KLHL29: variants seen among roughly 807,000 people sequenced by gnomAD.
KLHL29 encodes kelch like family member 29.
Under a neutral mutation model 80.4 loss-of-function variants are expected in KLHL29, and 21 were observed. That is an observed-to-expected ratio of 0.26 (90% CI 0.19 to 0.38). The LOEUF (loss-of-function observed/expected upper bound fraction) is 0.38, where lower values mean the gene tolerates loss of function less well. Ranked by LOEUF, KLHL29 falls within the 10% of genes least tolerant of loss-of-function variation. KLHL29 has a pLI of 1.00. For missense variants in KLHL29, 867 were observed against 1,223.9 expected (o/e 0.71, Z 4.35); for synonymous variants, 511 against 526.8 (o/e 0.97, Z 0.41).
chr2:23,691,518 C>T (rs983638729), intron 6 of KLHL29, 156 bp from the exon 7 acceptor site: 9 of 621,974 alleles, frequency 1.4e-5, no homozygotes, highest in South Asian at 5.8e-5. Context: ...TTTCAGATCC[C>T]GTGTCACAGC....
intron 2 of KLHL29, among the ~76,000 whole-genome samples, chr2:23,482,139 C>T (rs1042789905): frequency 2.4e-4 from 37 of 152,174 alleles, no homozygotes; most frequent in African/African-American, 8.4e-4. Flanking sequence ...GACTCTTTCC[C>T]CAGTCCTGAA....
At chr2:23,454,899 ACCC>A (rs1480751377) in intron 1 of KLHL29, among the ~76,000 whole-genome samples, 1 of 147,050 alleles carries the variant, frequency 6.8e-6, no homozygotes, top group Non-Finnish European at 1.5e-5. Context: ...CAGGTTGTCT[ACCC>A]CTTGGCACTT....
chr2:23,648,049 A>AGGGCCCC (rs1259747112), intron 5 of KLHL29, among the ~76,000 whole-genome samples: 1 of 152,040 alleles, frequency 6.6e-6, no homozygotes, highest in Non-Finnish European at 1.5e-5. Flanking sequence ...GTCAGTGCTC[A>AGGGCCCC]GGGCCCCAGG....
At chr2:23,462,121 T>C (rs1401364857) in intron 1 of KLHL29, among the ~76,000 whole-genome samples, 4 of 152,020 alleles carry the variant, frequency 2.6e-5, no homozygotes, top group African/African-American at 9.7e-5. Flanking sequence ...CAGGTGGGAC[T>C]CAAGGATGAC....
At chr2:23,529,595 G>C (rs1334313453) in intron 2 of KLHL29, among the ~76,000 whole-genome samples, 1 of 146,816 alleles carries the variant, frequency 6.8e-6, no homozygotes, top group Admixed American at 6.8e-5. Flanking sequence ...CCCCACCAAA[G>C]CACAGGCTTG....
At chr2:23,558,525 C>T (rs927439229) in intron 2 of KLHL29, among the ~76,000 whole-genome samples, 1 of 151,866 alleles carries the variant, frequency 6.6e-6, no homozygotes, top group Admixed American at 6.6e-5. Flanking sequence ...CCTCAGCTTC[C>T]TGAGTAGCTG....
At chr2:23,399,127 T>C (rs1210909459) in intron 1 of KLHL29, among the ~76,000 whole-genome samples, 3 of 152,202 alleles carry the variant, frequency 2.0e-5, no homozygotes, top group Non-Finnish European at 4.4e-5. Context: ...AAATTAGACT[T>C]GTGTTTTATC....
At chr2:23,520,997 C>T (rs1026182600) in intron 2 of KLHL29, among the ~76,000 whole-genome samples, 3 of 151,224 alleles carry the variant, frequency 2.0e-5, no homozygotes, top group East Asian at 3.9e-4. Context: ...AGACCACCCC[C>T]CCCCCCGCTC....
chr2:23,685,521 G>T (rs1195601242), intron 6 of KLHL29: 1 of 152,336 alleles, frequency 6.6e-6, no homozygotes, highest in East Asian at 1.9e-4. Flanking sequence ...TAACCCCGGA[G>T]TGACTGTGTT....
At chr2:23,615,525 G>T (rs150900815) in intron 3 of KLHL29, among the ~76,000 whole-genome samples, 2 of 152,084 alleles carry the variant, frequency 1.3e-5, no homozygotes. Context: ...CAGGGAGGAC[G>T]TCCCCGGGCT....
At chr2:23,526,289 G>C (rs1558373605) in intron 2 of KLHL29, among the ~76,000 whole-genome samples, 1 of 151,682 alleles carries the variant, frequency 6.6e-6, no homozygotes, top group African/African-American at 2.4e-5. Context: ...AGCGTCACAG[G>C]GGAGGGGAAA....
intron 5 of KLHL29, among the ~76,000 whole-genome samples, chr2:23,663,450 G>A (rs1670472495): frequency 6.6e-6 from 1 of 152,248 alleles, no homozygotes. Flanking sequence ...GTGCCGGGGA[G>A]GGGACCACCG....
At chr2:23,418,830 T>C (rs539945155) in intron 1 of KLHL29, among the ~76,000 whole-genome samples, 1 of 152,148 alleles carries the variant, frequency 6.6e-6, no homozygotes, top group Admixed American at 6.5e-5. Flanking sequence ...CTACAGAGCA[T>C]TGTGTTTGAC....
intron 2 of KLHL29, among the ~76,000 whole-genome samples, chr2:23,531,095 G>A (rs1287661195): frequency 2.0e-5 from 3 of 152,260 alleles, no homozygotes; most frequent in Non-Finnish European, 4.4e-5. Flanking sequence ...GTGAGGTAGA[G>A]GGGGTAAGCT....
intron 1 of KLHL29, among the ~76,000 whole-genome samples, chr2:23,435,963 C>T (rs1299820020): frequency 6.9e-6 from 1 of 143,952 alleles, no homozygotes; most frequent in Non-Finnish European, 1.5e-5. Context: ...CCCTTCTTTG[C>T]TTTCAGCTGT....
chr2:23,617,287 G>T (rs752056927), intron 3 of KLHL29: 1 of 152,228 alleles, frequency 6.6e-6, no homozygotes, highest in Non-Finnish European at 1.5e-5. Flanking sequence ...CTGTCCCCCC[G>T]TCCTGGGGGA....
At chr2:23,639,018 C>A (rs1309245124) in intron 3 of KLHL29, 121 bp from the exon 4 acceptor site, 4 of 936,520 alleles carry the variant, frequency 4.3e-6, no homozygotes, top group Non-Finnish European at 6.1e-6. Flanking sequence ...ACCCTGTACT[C>A]AGTGGGCGAA....
At chr2:23,614,698 G>A (rs543252485) in intron 3 of KLHL29, among the ~76,000 whole-genome samples, 52 of 152,186 alleles carry the variant, frequency 3.4e-4, no homozygotes, top group African/African-American at 1.2e-3. Context: ...AGTAGGGTTC[G>A]GAAAGAGCTC....
intron 2 of KLHL29, among the ~76,000 whole-genome samples, chr2:23,528,523 G>A (rs1485931673): frequency 2.0e-5 from 3 of 152,102 alleles, no homozygotes; most frequent in African/African-American, 2.4e-5. Flanking sequence ...GAGGCCACGC[G>A]CTCCCTTGCA....
Sources: allele counts gnomAD v4.1 joint callset (sites outside exome capture counted in the v4.1 genomes callset), GRCh38; gene constraint gnomAD v4.1.1; transcripts MANE v1.5; gene names NCBI Gene and HGNC (gene_info 2026-07-23, HGNC 2026-07-21).